Variants in LEPR observed in about 807,000 individuals in gnomAD.
LEPR encodes the protein OB receptor.
A neutral mutation model predicts 114.7 loss-of-function variants in LEPR; 56 were observed. That is an observed-to-expected ratio of 0.49 (90% CI 0.39 to 0.61). The LOEUF (loss-of-function observed/expected upper bound fraction) is 0.61, where lower values mean the gene tolerates loss of function less well. Among genes scored for constraint, LEPR ranks in the 20% least tolerant of loss-of-function variants. LEPR has a pLI of 0.00. For missense variants in LEPR, 1,202 were observed against 1,352.9 expected (o/e 0.89, Z 1.75); for synonymous variants, 443 against 461.4 (o/e 0.96, Z 0.51).
intron 2 of LEPR, among the ~76,000 whole-genome samples, chr1:65,531,074 C>G (rs1250129897): frequency 6.6e-6 from 1 of 152,164 alleles, no homozygotes. Flanking sequence ...GAGTAAAAAC[C>G]AAAGTCCTTA....
chr1:65,536,256 C>G (rs781378254), intron 2 of LEPR, among the ~76,000 whole-genome samples: 1 of 152,104 alleles, frequency 6.6e-6, no homozygotes, highest in African/African-American at 2.4e-5. Flanking sequence ...TCCCTCCTCT[C>G]TCTTGCTTCC....
intron 7 of LEPR, 127 bp from the exon 8 acceptor site, chr1:65,598,533 C>T: frequency 7.3e-7 from 1 of 1,365,884 alleles, no homozygotes; most frequent in South Asian, 1.4e-5. Flanking sequence ...TTTAATTCCG[C>T]TGTGGCCAGA....
intron 7 of LEPR, among the ~76,000 whole-genome samples, chr1:65,598,095 C>CTTTT (rs1226626771): frequency 0.01 from 1,034 of 101,438 alleles, 62 homozygotes; most frequent in East Asian, 0.081. Context: ...CCTCCTGCCT[C>CTTTT]TTTTTTTTTT....
chr1:65,626,132 G>A (rs1211941275), intron 19 of LEPR: 1 of 1,612,270 alleles, frequency 6.2e-7, no homozygotes, highest in East Asian at 2.2e-5. Context: ...GAAAATGCCT[G>A]GCACAAAGGA....
intron 5 of LEPR, among the ~76,000 whole-genome samples, chr1:65,583,837 A>G (rs2100859920): frequency 6.6e-6 from 1 of 152,288 alleles, no homozygotes; most frequent in Non-Finnish European, 1.5e-5. Flanking sequence ...GACAGCTATC[A>G]TTAATATGCT....
chr1:65,634,251 AT>A (rs1658632857), intron 19 of LEPR: 2 of 973,832 alleles, frequency 2.1e-6, no homozygotes, highest in South Asian at 4.8e-5. Flanking sequence ...TTATATTTAG[AT>A]TTAACTCGTA....
At chr1:65,620,141 CTGTAGA>C in intron 17 of LEPR, 118 bp downstream of exon 17, 1 of 808,192 alleles carries the variant, frequency 1.2e-6, no homozygotes, top group Non-Finnish European at 2.0e-6. Flanking sequence ...CCAAAGTCTT[CTGTAGA>C]TTTTTCATGG....
intron 2 of LEPR, among the ~76,000 whole-genome samples, chr1:65,475,589 T>G (rs1005237978): frequency 9.2e-5 from 14 of 151,828 alleles, no homozygotes; most frequent in African/African-American, 3.2e-4. Context: ...TTTAAAACAT[T>G]CTAATAAAAT....
chr1:65,549,061 C>A (rs1168392581), intron 2 of LEPR, among the ~76,000 whole-genome samples: 2 of 151,402 alleles, frequency 1.3e-5, no homozygotes, highest in Non-Finnish European at 3.0e-5. Context: ...TTCTCCTTCA[C>A]TTATGAAGCT....
At chr1:65,527,830 G>C (rs1570614828) in intron 2 of LEPR, among the ~76,000 whole-genome samples, 1 of 152,308 alleles carries the variant, frequency 6.6e-6, no homozygotes, top group Middle Eastern at 3.4e-3. Flanking sequence ...TGAAACAGAT[G>C]CTCAGAGATG....
At position 65,466,969 on chromosome 1, in the gene LEPR, T is replaced by C. The variant is rs139550381; in HGVS notation, c.-21+41591T>C. Among the ~76,000 whole-genome samples the C allele has an allele frequency of 5.4e-3, 818 of 152,296 alleles. 12 individuals carry two copies. The highest frequency in any genetic ancestry group is 0.019 in the African/African-American group (789 of 41,568). On this transcript the variant is annotated intron_variant, in intron 2 of 19. Coordinates refer to ENST00000349533, the MANE Select transcript of LEPR (RefSeq NM_002303.6). Reference sequence around the variant, plus strand: ...AGGTTTTTAGCTTCCTTGGGATGAGTTAGAACATGCTGCTTTAGCTCGGGG... The same window carrying C: ...AGGTTTTTAGCTTCCTTGGGATGAGCTAGAACATGCTGCTTTAGCTCGGGG...
chr1:65,601,555 T>C lies in LEPR; in HGVS notation c.1158T>C (p.Asp386=). 6.2e-7 allele frequency: 1 copy of C among 1,613,792 alleles called. No homozygotes were observed. Among genetic ancestry groups the C allele is most frequent in the South Asian group, 1.1e-5 (1 of 91,074 alleles). The change falls in exon 9 of 20, where the codon GAT becomes GAC. Residue 386 remains aspartate, a synonymous_variant. Transcript: ENST00000349533. ...IPQSQYDVVS[D]HVSKVTFFNL... is the part of the protein sequence containing the mutation. ...AAAGCCAGTATGATGTTGTGAGTGA[T>C]CATGTTAGCAAAGTTACTTTTTTCA...
chr1:65,506,787 C>A (rs531644677), intron 2 of LEPR, among the ~76,000 whole-genome samples: 2 of 152,234 alleles, frequency 1.3e-5, no homozygotes, highest in African/African-American at 4.8e-5. Context: ...TTTATCATTT[C>A]TTTGTGGTGA....
chr1:65,591,452 A>G (rs1166435996), intron 5 of LEPR, among the ~76,000 whole-genome samples: 1 of 151,990 alleles, frequency 6.6e-6, no homozygotes, highest in Non-Finnish European at 1.5e-5. Flanking sequence ...GGATTAGTCT[A>G]TTTCTCCTTA....
chr1:65,555,824 A>G (rs1652775450), intron 2 of LEPR, among the ~76,000 whole-genome samples: 1 of 152,132 alleles, frequency 6.6e-6, no homozygotes. Flanking sequence ...ACCCTAGCCC[A>G]GTTCTAAGTA....
chr1:65,570,985 A>G (rs1251624773), intron 4 of LEPR, among the ~76,000 whole-genome samples, 183 bp downstream of exon 4: 1 of 152,176 alleles, frequency 6.6e-6, no homozygotes, highest in Non-Finnish European at 1.5e-5. Context: ...TGTATCCCAT[A>G]AAAATATAAT....
At chr1:65,631,044 A>G (rs1319792217) in intron 19 of LEPR, among the ~76,000 whole-genome samples, 1 of 152,100 alleles carries the variant, frequency 6.6e-6, no homozygotes, top group Non-Finnish European at 1.5e-5. Context: ...GGAATGAAAC[A>G]GTAGACAGGC....
At chr1:65,503,433 C>T (rs185027965) in intron 2 of LEPR, among the ~76,000 whole-genome samples, 2 of 152,134 alleles carry the variant, frequency 1.3e-5, no homozygotes, top group African/African-American at 4.8e-5. Flanking sequence ...AGTTGCTAGC[C>T]TGAATAACTT....
intron 19 of LEPR, chr1:65,634,467 A>T: frequency 1.0e-6 from 1 of 954,786 alleles, no homozygotes; most frequent in Non-Finnish European, 1.2e-6. Context: ...ATATAGTGAA[A>T]TTTTTTAAAT....
Sources: allele counts gnomAD v4.1 joint callset (sites outside exome capture counted in the v4.1 genomes callset), GRCh38; gene constraint gnomAD v4.1.1; transcripts MANE v1.5; gene names NCBI Gene and HGNC (gene_info 2026-07-23, HGNC 2026-07-21).